LDB2: variants seen among roughly 807,000 people sequenced by gnomAD.
The protein encoded by LDB2 is LIM domain-binding protein 2.
LDB2 carries 12 observed loss-of-function variants against 44.3 expected under a neutral mutation model. That is an observed-to-expected ratio of 0.27 (90% confidence interval 0.17 to 0.44). LDB2 has a LOEUF of 0.44. LDB2 is among the 20% of genes least tolerant of loss of function. LDB2 has a pLI of 1.00. For missense variants in LDB2, 344 were observed against 473.5 expected, an observed-to-expected ratio of 0.73 and a Z score of 2.54; for synonymous variants, 164 against 174.8, an observed-to-expected ratio of 0.94 and a Z score of 0.49.
At chr4:16,704,408 T>C (rs1438661668) in intron 2 of LDB2, among the ~76,000 whole-genome samples, 1 of 152,242 alleles carries the variant, frequency 6.6e-6, no homozygotes, top group African/African-American at 2.4e-5. Flanking sequence ...AACATTATTG[T>C]TAATTATTAT....
intron 1 of LDB2, among the ~76,000 whole-genome samples, chr4:16,795,244 T>C (rs892891897): frequency 1.3e-5 from 2 of 152,096 alleles, no homozygotes; most frequent in African/African-American, 2.4e-5. Flanking sequence ...GAGAAGCATG[T>C]CAGATGTGGC....
At chr4:16,572,734 TA>T (rs1299015438) in intron 5 of LDB2, among the ~76,000 whole-genome samples, 2 of 152,202 alleles carry the variant, frequency 1.3e-5, no homozygotes, top group African/African-American at 4.8e-5. Context: ...CCTTATCATG[TA>T]GTCATATGTA....
intron 5 of LDB2, among the ~76,000 whole-genome samples, chr4:16,549,336 C>CA (rs1361907069): frequency 6.6e-6 from 1 of 152,174 alleles, no homozygotes; most frequent in Admixed American, 6.5e-5. Flanking sequence ...CTACTCTTAA[C>CA]AAGACCAACT....
chr4:16,700,345 C>T (rs1380630792), intron 2 of LDB2, among the ~76,000 whole-genome samples: 2 of 151,992 alleles, frequency 1.3e-5, no homozygotes, highest in Non-Finnish European at 2.9e-5. Context: ...CTTGAAGCAA[C>T]CCAAAAATAT....
At chr4:16,597,490 G>A (rs979702623) in intron 2 of LDB2, among the ~76,000 whole-genome samples, 1 of 152,092 alleles carries the variant, frequency 6.6e-6, no homozygotes, top group African/African-American at 2.4e-5. Context: ...ACTTTGTAAT[G>A]CTAAAATCCA....
intron 2 of LDB2, among the ~76,000 whole-genome samples, chr4:16,674,995 T>G (rs943298457): frequency 6.6e-6 from 1 of 152,222 alleles, no homozygotes; most frequent in African/African-American, 2.4e-5. Context: ...CTGTGAACAC[T>G]GGGATATTCA....
intron 2 of LDB2, among the ~76,000 whole-genome samples, chr4:16,718,114 GGTAGA>G (rs1412762146): frequency 1.3e-5 from 2 of 151,908 alleles, no homozygotes; most frequent in African/African-American, 2.4e-5. Context: ...ATTGGTGGGG[GGTAGA>G]GTATTGATAG....
intron 5 of LDB2, among the ~76,000 whole-genome samples, chr4:16,573,871 G>A (rs1046376049): frequency 1.3e-5 from 2 of 152,094 alleles, no homozygotes; most frequent in African/African-American, 4.8e-5. Flanking sequence ...TGGAAAAGGG[G>A]GTTGAATTGT....
intron 1 of LDB2, among the ~76,000 whole-genome samples, chr4:16,823,540 T>C (rs551241741): frequency 6.6e-6 from 1 of 152,250 alleles, no homozygotes; most frequent in South Asian, 2.1e-4. Flanking sequence ...AACATCCAGA[T>C]AGAAAATAAA....
chr4:16,722,118 T>C (rs1204493374), intron 2 of LDB2, among the ~76,000 whole-genome samples: 1 of 152,172 alleles, frequency 6.6e-6, no homozygotes, highest in Non-Finnish European at 1.5e-5. Flanking sequence ...GGAACTTCTC[T>C]GGGCCTCAGT....
At chr4:16,735,426 AAATC>A (rs1561039503) in intron 2 of LDB2, among the ~76,000 whole-genome samples, 1 of 152,132 alleles carries the variant, frequency 6.6e-6, no homozygotes, top group Non-Finnish European at 1.5e-5. Flanking sequence ...TTAAAGAAAA[AAATC>A]CACATTTTAA....
At chr4:16,762,020 A>G (rs1252818835) in intron 1 of LDB2, among the ~76,000 whole-genome samples, 1 of 152,086 alleles carries the variant, frequency 6.6e-6, no homozygotes, top group African/African-American at 2.4e-5. Flanking sequence ...ATAGAAAACT[A>G]AATGGAATAG....
At chr4:16,808,979 T>A (rs1202801714) in intron 1 of LDB2, among the ~76,000 whole-genome samples, 1 of 152,192 alleles carries the variant, frequency 6.6e-6, no homozygotes, top group Non-Finnish European at 1.5e-5. Flanking sequence ...GGCCCTGTTT[T>A]AAGTTCTTAC....
chr4:16,818,149 G>A (rs988154965), intron 1 of LDB2, among the ~76,000 whole-genome samples: 7 of 152,200 alleles, frequency 4.6e-5, no homozygotes, highest in East Asian at 3.9e-4. Context: ...CTGGAAGGCC[G>A]GGCCTCTGCT....
chr4:16,794,520 G>C (rs1776353028), intron 1 of LDB2, among the ~76,000 whole-genome samples: 1 of 152,162 alleles, frequency 6.6e-6, no homozygotes, highest in African/African-American at 2.4e-5. Context: ...CTAGGCTGGA[G>C]CTCTGGCTTT....
At chr4:16,551,742 C>T (rs1217160244) in intron 5 of LDB2, among the ~76,000 whole-genome samples, 2 of 152,140 alleles carry the variant, frequency 1.3e-5, no homozygotes, top group Non-Finnish European at 2.9e-5. Context: ...GTCTCAAACT[C>T]CTGACCTCAG....
chr4:16,834,185 A>G (rs1354422456), intron 1 of LDB2, among the ~76,000 whole-genome samples: 2 of 152,206 alleles, frequency 1.3e-5, no homozygotes, highest in African/African-American at 4.8e-5. Context: ...TTTGTTCACT[A>G]ATGTCCAGGG....
intron 2 of LDB2, among the ~76,000 whole-genome samples, chr4:16,625,238 G>A (rs1164431675): frequency 3.9e-5 from 6 of 152,102 alleles, no homozygotes; most frequent in Non-Finnish European, 8.8e-5. Context: ...CTTTGAATCA[G>A]ATATCTCTCC....
chr4:16,555,206 A>T (rs1739118005), intron 5 of LDB2, among the ~76,000 whole-genome samples: 1 of 150,354 alleles, frequency 6.7e-6, no homozygotes, highest in African/African-American at 2.4e-5. Flanking sequence ...ATGTGGTCTG[A>T]GGACCAGGAG....
Sources: allele counts gnomAD v4.1 joint callset (sites outside exome capture counted in the v4.1 genomes callset), GRCh38; gene constraint gnomAD v4.1.1; transcripts MANE v1.5; gene names NCBI Gene and HGNC (gene_info 2026-07-23, HGNC 2026-07-21).